MACROD1: variants seen among roughly 807,000 people sequenced by gnomAD.
MACROD1 encodes the protein ADP-ribose glycohydrolase MACROD1.
In MACROD1, 31 loss-of-function variants were observed where a neutral mutation model predicts 41.4. That is an observed-to-expected ratio of 0.75 (90% CI 0.56 to 1.01). The LOEUF (loss-of-function observed/expected upper bound fraction) is 1.01, where lower values mean the gene tolerates loss of function less well. Among genes scored for constraint, MACROD1 ranks in the 50% least tolerant of loss-of-function variants. The pLI, the probability that MACROD1 is intolerant of heterozygous loss-of-function variation, is 0.00. For missense variants in MACROD1, 473 were observed against 460.0 expected (o/e 1.03, Z -0.26); for synonymous variants, 252 against 203.4 (o/e 1.24, Z -2.03).
chr11:64,003,677 G>A (rs1380822709), intron 4 of MACROD1, among the ~76,000 whole-genome samples: 1 of 152,194 alleles, frequency 6.6e-6, no homozygotes, highest in East Asian at 1.9e-4. Context: ...AGAAACTGAG[G>A]CACAGAGAGC....
intron 4 of MACROD1, among the ~76,000 whole-genome samples, chr11:64,013,930 C>T (rs1459343007): frequency 6.6e-6 from 1 of 152,120 alleles, no homozygotes; most frequent in Non-Finnish European, 1.5e-5. Flanking sequence ...AGAAGCCTTC[C>T]TGATGCCCAA....
intron 3 of MACROD1, among the ~76,000 whole-genome samples, chr11:64,089,751 G>A (rs1473188443): frequency 2.0e-5 from 3 of 152,156 alleles, no homozygotes; most frequent in Admixed American, 2.0e-4. Flanking sequence ...CATCGGGGAA[G>A]CTGCCAGTCC....
chr11:64,061,643 G>A (rs1943905789), intron 3 of MACROD1, among the ~76,000 whole-genome samples: 1 of 152,110 alleles, frequency 6.6e-6, no homozygotes, highest in Non-Finnish European at 1.5e-5. Context: ...AGGCAGCTAG[G>A]GCACTTTTGA....
intron 4 of MACROD1, among the ~76,000 whole-genome samples, chr11:64,003,016 C>T (rs1238320836): frequency 1.3e-5 from 2 of 152,218 alleles, no homozygotes; most frequent in East Asian, 3.8e-4. Context: ...CAACCCTCAC[C>T]CCAAGTCAGC....
At chr11:64,084,463 C>T (rs1382520257) in intron 3 of MACROD1, among the ~76,000 whole-genome samples, 1 of 152,214 alleles carries the variant, frequency 6.6e-6, no homozygotes, top group Non-Finnish European at 1.5e-5. Flanking sequence ...GAGGCAGCAG[C>T]AAAGAGGCAG....
rs542303792 is a variant in MACROD1, at chr11:64,146,357, C to T, written c.517+4882G>A. ...CACCGGCTCTGAGAACCTCCTCCTC[C>T]AGAAGAGGGGGCCTGCGGGGGCTCC... On this transcript the variant is annotated intron_variant, in intron 3 of 10. Transcript: ENST00000255681. The surrounding 1 kb of genome is among the most constrained non-coding windows in gnomAD (Gnocchi z 4.7). Among the ~76,000 whole-genome samples the T allele has an allele frequency of 6.6e-6, 1 of 152,324 alleles. No individual in the cohort carries two copies. The highest frequency in any genetic ancestry group is 2.1e-4 in the South Asian group (1 of 4,828).
At chr11:64,057,773 G>A (rs962490421) in intron 3 of MACROD1, among the ~76,000 whole-genome samples, 1 of 152,252 alleles carries the variant, frequency 6.6e-6, no homozygotes, top group African/African-American at 2.4e-5. Flanking sequence ...ACAGCCACTT[G>A]TTGAGCGCTT....
rs1050568786 is a variant in MACROD1 at position 63,998,561 on chromosome 11, C to T, written c.*157G>A. On this transcript the variant is annotated 3_prime_UTR_variant, in exon 11 of 11. Transcript: ENST00000255681. ...TCAGAGCTCAGACAGTAGGAGCTGCCACAACGAGATCTTTATTAGGCTCCT... is the reference window on the plus strand; with the variant it reads ...TCAGAGCTCAGACAGTAGGAGCTGCTACAACGAGATCTTTATTAGGCTCCT... The T allele has an allele frequency of 8.6e-7, 1 of 1,167,960 alleles. No homozygotes were observed. The highest frequency in any genetic ancestry group is 1.1e-6 in the Non-Finnish European group (1 of 929,912). 72.3% of individuals were successfully genotyped at this position (1,167,960 alleles called of 1,614,324 possible).
intron 3 of MACROD1, among the ~76,000 whole-genome samples, chr11:64,026,056 C>G (rs557061577): frequency 6.6e-6 from 1 of 152,132 alleles, no homozygotes; most frequent in Non-Finnish European, 1.5e-5. Context: ...TGGTGCGCGC[C>G]GGTAATCCCA....
chr11:64,059,023 TGC>T (rs1354281392), intron 3 of MACROD1, among the ~76,000 whole-genome samples: 1 of 151,828 alleles, frequency 6.6e-6, no homozygotes, highest in African/African-American at 2.4e-5. Flanking sequence ...GGCTGAGGAG[TGC>T]CTGATGCTCT....
At chr11:64,025,721 C>CTTTT (rs35346247) in intron 3 of MACROD1, among the ~76,000 whole-genome samples, 1 of 143,074 alleles carries the variant, frequency 7.0e-6, no homozygotes. Context: ...CCCCCCGCTC[C>CTTTT]TTTTTTTTTT....
chr11:64,033,718 G>A (rs1045646766), intron 3 of MACROD1, among the ~76,000 whole-genome samples: 1 of 151,850 alleles, frequency 6.6e-6, no homozygotes, highest in Non-Finnish European at 1.5e-5. Context: ...GTGCATTCCT[G>A]TAGTTCCAGC....
chr11:64,039,421 G>A (rs503133), intron 3 of MACROD1, among the ~76,000 whole-genome samples: 12 of 152,106 alleles, frequency 7.9e-5, no homozygotes, highest in South Asian at 2.1e-4. Flanking sequence ...GGGTGGTAGC[G>A]GGGGGTCCCT....
At chr11:64,148,836 G>A (rs1945533592) in intron 3 of MACROD1, 2 of 985,532 alleles carry the variant, frequency 2.0e-6, no homozygotes, top group African/African-American at 3.5e-5. Context: ...GTGGGCACAG[G>A]GGCTGGGGTG....
intron 3 of MACROD1, among the ~76,000 whole-genome samples, chr11:64,034,499 G>A (rs1324032656): frequency 6.6e-6 from 1 of 152,252 alleles, no homozygotes; most frequent in Admixed American, 6.5e-5. Flanking sequence ...GTGAAGTGAG[G>A]AGGGAGAGGC....
intron 4 of MACROD1, among the ~76,000 whole-genome samples, chr11:64,006,565 C>T (rs1001120181): frequency 9.2e-5 from 14 of 152,218 alleles, no homozygotes; most frequent in South Asian, 4.1e-4. Context: ...ATGTACACAA[C>T]GGCAGTGCCT....
chr11:64,161,463 T>C (rs984353898), intron 1 of MACROD1, among the ~76,000 whole-genome samples: 1 of 152,214 alleles, frequency 6.6e-6, no homozygotes, highest in African/African-American at 2.4e-5. Context: ...GCATACACTG[T>C]GCACTGAAGA....
chr11:64,085,618 T>C (rs1003413120), intron 3 of MACROD1, among the ~76,000 whole-genome samples: 1 of 152,162 alleles, frequency 6.6e-6, no homozygotes, highest in Non-Finnish European at 1.5e-5. Context: ...GCGACAGCCT[T>C]GTTCCTCTGC....
chr11:64,059,071 G>A (rs912857348), intron 3 of MACROD1, among the ~76,000 whole-genome samples: 4 of 152,198 alleles, frequency 2.6e-5, no homozygotes, highest in African/African-American at 9.7e-5. Context: ...AATTTGCACT[G>A]GGGGAAACTG....
Sources: gnomAD v4.1 joint callset for allele counts (sites outside exome capture counted in the v4.1 genomes callset) on GRCh38, gnomAD v4.1.1 for gene constraint, Gnocchi (gnomAD v3.1) non-coding constraint, MANE v1.5 for transcripts, NCBI Gene and HGNC (gene_info 2026-07-23, HGNC 2026-07-21) for gene names.